The following RANBP2 variants were observed in gnomAD, a reference collection of about 807,000 sequenced individuals.
RANBP2 encodes the protein RAN binding protein 2, also known as E3 SUMO-protein ligase RanBP2.
Under a neutral mutation model 303.6 loss-of-function variants are expected in RANBP2, and 57 were observed. The ratio of observed to expected loss-of-function variants is 0.19; its 90% CI spans 0.15 to 0.23. RANBP2 has a LOEUF of 0.23. Among genes scored for constraint, RANBP2 ranks in the 10% least tolerant of loss-of-function variants. RANBP2 has a pLI of 1.00. For synonymous variants in RANBP2, 1,167 were observed against 1,301.5 expected (o/e 0.90, Z 2.23); for missense variants, 3,138 against 3,780.8 (o/e 0.83, Z 4.46).
the RANBP2 span, among the ~76,000 whole-genome samples, chr2:109,455,528 C>CG: frequency 6.6e-6 from 1 of 151,916 alleles, no homozygotes; most frequent in Non-Finnish European, 1.5e-5. Context: ...ATGTGTGTTA[C>CG]TATGGCATAT....
the RANBP2 span, among the ~76,000 whole-genome samples, chr2:109,159,093 G>T: frequency 2.0e-5 from 3 of 152,166 alleles, no homozygotes; most frequent in African/African-American, 4.8e-5. Flanking sequence ...CTCCAGCCTG[G>T]GCGACAGAGT....
At chr2:109,589,572 A>G in the RANBP2 span, among the ~76,000 whole-genome samples, 2 of 152,148 alleles carry the variant, frequency 1.3e-5, no homozygotes, top group Non-Finnish European at 2.9e-5. Flanking sequence ...AGTAACATTG[A>G]ATATCCAATA....
the RANBP2 span, among the ~76,000 whole-genome samples, chr2:108,858,820 T>C: frequency 1.3e-5 from 2 of 152,330 alleles, no homozygotes; most frequent in Admixed American, 6.5e-5. Context: ...GGCATCCAGC[T>C]GCATCCATGT....
At chr2:109,307,395 C>A in the RANBP2 span, among the ~76,000 whole-genome samples, 1 of 150,990 alleles carries the variant, frequency 6.6e-6, no homozygotes, top group Non-Finnish European at 1.5e-5. Flanking sequence ...ATGCTCTGGG[C>A]GGAAGCTTGG....
chr2:109,170,081 C>T, the RANBP2 span, among the ~76,000 whole-genome samples: 2 of 152,166 alleles, frequency 1.3e-5, no homozygotes, highest in African/African-American at 4.8e-5. Flanking sequence ...AACACTTTGC[C>T]AGAAACTATA....
At chr2:109,507,532 C>T in the RANBP2 span, among the ~76,000 whole-genome samples, 2,434 of 152,298 alleles carry the variant, frequency 0.016, 72 homozygotes, top group African/African-American at 0.055. Context: ...TGCTCTCCTC[C>T]AGCACCAGAA....
chr2:108,978,122 G>A, the RANBP2 span, among the ~76,000 whole-genome samples: 1 of 152,216 alleles, frequency 6.6e-6, no homozygotes, highest in South Asian at 2.1e-4. Context: ...GGGCCCCAGA[G>A]GGCAAGGCTA....
the RANBP2 span, among the ~76,000 whole-genome samples, chr2:109,223,668 C>T: frequency 6.6e-6 from 1 of 152,304 alleles, no homozygotes; most frequent in African/African-American, 2.4e-5. Flanking sequence ...ATGGCTCTCC[C>T]CTGAATTCTG....
the RANBP2 span, among the ~76,000 whole-genome samples, chr2:109,187,925 C>T: frequency 6.6e-6 from 1 of 152,306 alleles, no homozygotes; most frequent in East Asian, 1.9e-4. Context: ...CCTGTCAGGA[C>T]TCTCAGGAAC....
the RANBP2 span, among the ~76,000 whole-genome samples, chr2:109,634,735 T>C: frequency 6.6e-6 from 1 of 152,200 alleles, no homozygotes; most frequent in African/African-American, 2.4e-5. Flanking sequence ...CTCATGATGT[T>C]AAAAAGTAAG....
the RANBP2 span, among the ~76,000 whole-genome samples, chr2:109,373,550 ATAAAAG>A: frequency 1.3e-5 from 2 of 152,312 alleles, no homozygotes; most frequent in African/African-American, 4.8e-5. Flanking sequence ...GAAGCCAGAC[ATAAAAG>A]TAAATGCCGT....
At chr2:109,476,909 T>C in the RANBP2 span, among the ~76,000 whole-genome samples, 1 of 152,192 alleles carries the variant, frequency 6.6e-6, no homozygotes, top group African/African-American at 2.4e-5. Context: ...ATGGCGCTAA[T>C]GGGAGTGTAG....
chr2:109,080,331 G>T, the RANBP2 span, among the ~76,000 whole-genome samples: 1 of 152,138 alleles, frequency 6.6e-6, no homozygotes, highest in Non-Finnish European at 1.5e-5. Context: ...AGGGGAGACT[G>T]CCCCATCAGG....
At position 108,768,297 on chromosome 2, in the gene RANBP2, A is replaced by G. The variant is rs1489976521; in HGVS notation, c.7758A>G (p.Glu2586=). 1.4e-5 allele frequency: 22 copies of G among 1,612,012 alleles called. No homozygotes were observed. Among genetic ancestry groups the G allele is most frequent in the Non-Finnish European group, 1.9e-5 (22 of 1,179,866 alleles). ...KCELSKNSDI[E]QSSDSKVKNL... is the part of the protein sequence containing the mutation. ...AACTGTCAAAGAACTCTGATATCGA[A>G]CAGTCTTCAGATAGCAAAGTCAAAA... is the stretch of plus-strand genomic sequence containing the variant. The change falls in exon 20 of 29, where the codon GAA becomes GAG. Residue 2586 remains glutamate (E), a synonymous_variant. Coordinates refer to ENST00000283195, the MANE Select transcript of RANBP2 (RefSeq NM_006267.5).
At chr2:109,339,165 G>A in the RANBP2 span, among the ~76,000 whole-genome samples, 2 of 151,738 alleles carry the variant, frequency 1.3e-5, no homozygotes, top group African/African-American at 4.8e-5. Flanking sequence ...TAGAGGAGGT[G>A]GACGGGTAGG....
chr2:108,828,163 A>G, the RANBP2 span, among the ~76,000 whole-genome samples: 3 of 152,188 alleles, frequency 2.0e-5, no homozygotes, highest in African/African-American at 7.2e-5. Context: ...TAACACCAAA[A>G]TATATTGTAG....
the RANBP2 span, among the ~76,000 whole-genome samples, chr2:109,340,917 A>T: frequency 3.3e-5 from 5 of 152,060 alleles, no homozygotes; most frequent in African/African-American, 1.2e-4. Flanking sequence ...GAAAAAAAAA[A>T]TTTGCTTTTA....
the RANBP2 span, among the ~76,000 whole-genome samples, chr2:109,217,641 T>C: frequency 1.3e-5 from 2 of 152,236 alleles, no homozygotes; most frequent in South Asian, 4.1e-4. Flanking sequence ...AACCTGCCAG[T>C]GATGGGAATG....
the RANBP2 span, among the ~76,000 whole-genome samples, chr2:109,255,337 C>G: frequency 6.6e-6 from 1 of 152,198 alleles, no homozygotes; most frequent in East Asian, 1.9e-4. Context: ...TAAAGCTACT[C>G]TAAGAATACA....
Sources: allele counts gnomAD v4.1 joint callset (sites outside exome capture counted in the v4.1 genomes callset), GRCh38; gene constraint gnomAD v4.1.1; transcripts MANE v1.5; gene names NCBI Gene and HGNC (gene_info 2026-07-23, HGNC 2026-07-21).